Variants in WWOX observed in about 807,000 individuals in gnomAD.
WWOX encodes the protein WW domain-containing oxidoreductase.
Under a neutral mutation model 46.2 loss-of-function variants are expected in WWOX, and 69 were observed. The ratio of observed to expected loss-of-function variants is 1.49; its 90% CI spans 1.23 to 1.82. WWOX has a LOEUF of 1.82. WWOX is among the 40% of genes most tolerant of loss of function. The pLI, the probability that WWOX is intolerant of heterozygous loss-of-function variation, is 0.00. For synonymous variants in WWOX, 359 were observed against 202.6 expected, an observed-to-expected ratio of 1.77 and a Z score of -6.56; for missense variants, 919 against 542.6, an observed-to-expected ratio of 1.69 and a Z score of -6.89.
chr16:78,682,644 T>C (rs905215738), intron 8 of WWOX, among the ~76,000 whole-genome samples: 1 of 152,162 alleles, frequency 6.6e-6, no homozygotes, highest in South Asian at 2.1e-4. Flanking sequence ...TCTGTGAGAC[T>C]GAGGCAGAAG....
chr16:78,250,127 C>G (rs939609706), intron 5 of WWOX, among the ~76,000 whole-genome samples: 4 of 152,202 alleles, frequency 2.6e-5, no homozygotes, highest in Non-Finnish European at 5.9e-5. Flanking sequence ...TCTCCAAGAT[C>G]AGTTTCCTCA....
At chr16:78,581,486 A>C (rs991861087) in intron 8 of WWOX, among the ~76,000 whole-genome samples, 3 of 152,208 alleles carry the variant, frequency 2.0e-5, no homozygotes, top group Non-Finnish European at 2.9e-5. Context: ...TTTATAGTTT[A>C]ACCCTTTGAA....
At chr16:79,073,626 A>G (rs1287933916) in intron 8 of WWOX, among the ~76,000 whole-genome samples, 1 of 152,136 alleles carries the variant, frequency 6.6e-6, no homozygotes, top group African/African-American at 2.4e-5. Context: ...TCCCTTTATT[A>G]CCTACTAATA....
intron 8 of WWOX, chr16:79,203,690 G>T (rs870): frequency 6.6e-5 from 10 of 151,970 alleles, no homozygotes; most frequent in Non-Finnish European, 1.2e-4. Flanking sequence ...GGCAGACTTC[G>T]TAGAGCCATT....
intron 8 of WWOX, among the ~76,000 whole-genome samples, chr16:78,682,782 A>G (rs1333229489): frequency 2.6e-5 from 4 of 152,236 alleles, no homozygotes; most frequent in African/African-American, 9.6e-5. Context: ...TGGAGCCAGT[A>G]CTTCTTGCAC....
At chr16:78,388,304 T>C (rs1473093503) in intron 6 of WWOX, among the ~76,000 whole-genome samples, 1 of 152,184 alleles carries the variant, frequency 6.6e-6, no homozygotes, top group South Asian at 2.1e-4. Flanking sequence ...ATGCTGGGAT[T>C]ACACACATGA....
intron 5 of WWOX, among the ~76,000 whole-genome samples, chr16:78,230,932 C>G (rs979892422): frequency 1.3e-5 from 2 of 152,210 alleles, no homozygotes; most frequent in African/African-American, 2.4e-5. Context: ...TTAAGAAACT[C>G]CCATGATTGC....
At chr16:78,239,915 A>G (rs763808128) in intron 5 of WWOX, among the ~76,000 whole-genome samples, 3 of 152,074 alleles carry the variant, frequency 2.0e-5, no homozygotes, top group East Asian at 1.9e-4. Context: ...GTCTTTATAC[A>G]TTCTCAAAGT....
chr16:78,694,579 A>C (rs1206408127), intron 8 of WWOX, among the ~76,000 whole-genome samples: 1 of 152,222 alleles, frequency 6.6e-6, no homozygotes, highest in East Asian at 1.9e-4. Flanking sequence ...ATTGAACACT[A>C]GAAACACAGT....
At chr16:79,078,709 T>G (rs772182089) in intron 8 of WWOX, among the ~76,000 whole-genome samples, 5 of 152,158 alleles carry the variant, frequency 3.3e-5, no homozygotes, top group African/African-American at 1.2e-4. Context: ...AAAGGGAGAT[T>G]TAACAGTTTA....
chr16:78,632,953 C>G (rs1029885095), intron 8 of WWOX, among the ~76,000 whole-genome samples: 6 of 151,932 alleles, frequency 3.9e-5, no homozygotes, highest in Non-Finnish European at 8.8e-5. Context: ...ATTTATTATC[C>G]CCATTTTACA....
chr16:78,527,990 C>CTTT (rs1348624411), intron 8 of WWOX, among the ~76,000 whole-genome samples: 1 of 57,950 alleles, frequency 1.7e-5, no homozygotes, highest in Admixed American at 2.6e-4. Flanking sequence ...TGGTACATGT[C>CTTT]CTTTTTTTTT....
rs568457038 is a variant in WWOX at position 78,633,474 on chromosome 16, C to T, written c.1056+200722C>T. Reference sequence around the variant, plus strand: ...TGTACCGTATGACTTTAAAACAGAACCACGAGTTCAGAACTTTGGTTAGGT... The same window carrying T: ...TGTACCGTATGACTTTAAAACAGAATCACGAGTTCAGAACTTTGGTTAGGT... On this transcript the variant is annotated intron_variant, in intron 8 of 8. Coordinates refer to ENST00000566780, the MANE Select transcript of WWOX (RefSeq NM_016373.4). Among the ~76,000 whole-genome samples the T allele has an allele frequency of 3.9e-5, 6 of 152,268 alleles. No individual in the cohort carries two copies. In the South Asian group the frequency reaches 1.2e-3, roughly 32 times the overall value.
At chr16:78,388,832 G>C (rs934928615) in intron 6 of WWOX, among the ~76,000 whole-genome samples, 1 of 149,064 alleles carries the variant, frequency 6.7e-6, no homozygotes, top group Non-Finnish European at 1.5e-5. Context: ...AACTGGGCGG[G>C]GAGGCACATG....
At chr16:78,967,890 CAGG>C (rs1026155087) in intron 8 of WWOX, among the ~76,000 whole-genome samples, 2 of 152,162 alleles carry the variant, frequency 1.3e-5, no homozygotes, top group Non-Finnish European at 2.9e-5. Flanking sequence ...TCAGTAGCTG[CAGG>C]AGGAGGAGGG....
At chr16:78,267,718 A>G (rs996986139) in intron 5 of WWOX, among the ~76,000 whole-genome samples, 1 of 152,170 alleles carries the variant, frequency 6.6e-6, no homozygotes, top group East Asian at 1.9e-4. Context: ...CTTCAGATCC[A>G]CTTGTCCACT....
At chr16:78,390,506 A>T (rs572312253) in intron 6 of WWOX, among the ~76,000 whole-genome samples, 1 of 152,220 alleles carries the variant, frequency 6.6e-6, no homozygotes, top group East Asian at 1.9e-4. Flanking sequence ...CTGTAGCACA[A>T]CCCTCTTTGT....
At chr16:78,267,321 G>T (rs142064638) in intron 5 of WWOX, among the ~76,000 whole-genome samples, 1 of 152,134 alleles carries the variant, frequency 6.6e-6, no homozygotes, top group East Asian at 1.9e-4. Flanking sequence ...TGCTTAATGT[G>T]GTCACACGGA....
intron 8 of WWOX, among the ~76,000 whole-genome samples, chr16:79,005,904 C>T (rs1047089970): frequency 2.0e-5 from 3 of 152,190 alleles, no homozygotes; most frequent in Non-Finnish European, 4.4e-5. Flanking sequence ...TGCATGAGAA[C>T]AGAAGGCAGC....
Sources: gnomAD v4.1 joint callset for allele counts (sites outside exome capture counted in the v4.1 genomes callset) on GRCh38, gnomAD v4.1.1 for gene constraint, MANE v1.5 for transcripts, NCBI Gene and HGNC (gene_info 2026-07-23, HGNC 2026-07-21) for gene names.